Variants in BRIP1 observed in about 807,000 individuals in gnomAD.
BRIP1 encodes the protein Fanconi anemia group J protein.
In BRIP1, 88 loss-of-function variants were observed where a neutral mutation model predicts 119.7. That is an observed-to-expected ratio of 0.74 (90% CI 0.62 to 0.88). The LOEUF (loss-of-function observed/expected upper bound fraction) is 0.88, where lower values mean the gene tolerates loss of function less well. Among genes scored for constraint, BRIP1 ranks in the 40% least tolerant of loss-of-function variants. The pLI is 0.00. For synonymous variants in BRIP1, 443 were observed against 496.5 expected, an observed-to-expected ratio of 0.89 and a Z score of 1.43; for missense variants, 1,259 against 1,455.4, an observed-to-expected ratio of 0.87 and a Z score of 2.20.
At position 61,846,262 on chromosome 17, in the gene BRIP1, AAGAGAGAGAGAGAGAG is replaced by A. The variant is rs1567865793; in HGVS notation, c.627+823_627+838del. Among the ~76,000 whole-genome samples, 193 of 142,722 alleles carry A rather than the reference AAGAGAGAGAGAGAGAG, an allele frequency of 1.4e-3. 1 individual carries two copies. Among genetic ancestry groups the A allele is most frequent in the African/African-American group, 5.4e-3 (188 of 34,662 alleles). 93.6% of individuals were successfully genotyped at this position (142,722 alleles called of 152,430 possible). On this transcript the variant is annotated intron_variant, in intron 6 of 19. Coordinates refer to ENST00000259008, the MANE Select transcript of BRIP1 (RefSeq NM_032043.3). This position sits in a 1 kb window ranked among gnomAD's most constrained non-coding sequence, Gnocchi z 4.3. ...AGAGAGAAAAAGAGAGAGAGAGAGAAAGAGAGAGAGAGAGAGGTTGGAGCCAATACCTTGATTTCTG... is the reference window on the plus strand; with the variant it reads ...AGAGAGAAAAAGAGAGAGAGAGAGAAGTTGGAGCCAATACCTTGATTTCTG...
At chr17:61,781,572 T>C (rs1350712928) in intron 11 of BRIP1, among the ~76,000 whole-genome samples, 1 of 152,280 alleles carries the variant, frequency 6.6e-6, no homozygotes, top group East Asian at 1.9e-4. Flanking sequence ...ATATCTGTGA[T>C]CCCATCCAGT....
At position 61,848,905 on chromosome 17, in the gene BRIP1, A is replaced by G. The variant is rs538449785; in HGVS notation, c.507+224T>C. Among the ~76,000 whole-genome samples, 1 of 152,196 alleles carries G rather than the reference A, an allele frequency of 6.6e-6. No individual in the cohort carries two copies. The highest frequency in any genetic ancestry group is 1.5e-5 in the Non-Finnish European group (1 of 68,030). ...TACTATCAAATTCCTCATATATAAGAAACACCATGCAGTTTCACTTGAACG... is the reference window on the plus strand; with the variant it reads ...TACTATCAAATTCCTCATATATAAGGAACACCATGCAGTTTCACTTGAACG... On this transcript the variant is annotated intron_variant, in intron 5 of 19. Coordinates refer to ENST00000259008, the MANE Select transcript of BRIP1 (RefSeq NM_032043.3). The surrounding 1 kb of genome is among the most constrained non-coding windows in gnomAD (Gnocchi z 4.3).
chr17:61,788,856 G>A (rs1415142404), intron 10 of BRIP1, among the ~76,000 whole-genome samples: 1 of 152,116 alleles, frequency 6.6e-6, no homozygotes, highest in Non-Finnish European at 1.5e-5. Flanking sequence ...CACTTTGAAA[G>A]ACCGAGGCGG....
chr17:61,696,973 G>C (rs955409944), intron 17 of BRIP1, among the ~76,000 whole-genome samples: 3 of 116,802 alleles, frequency 2.6e-5, no homozygotes, highest in Non-Finnish European at 5.0e-5. Flanking sequence ...GCAACAGATA[G>C]AGACTCTGTC....
rs1218535891 is a variant in BRIP1 at position 61,853,127 on chromosome 17, A to AAAT, written c.380-3874_380-3872dup. ...TAAACTGTGGTATATTCATACAAGGAAATAATACACAGAAACAAGAAGTAC... is the reference window on the plus strand; with the variant it reads ...TAAACTGTGGTATATTCATACAAGGAAATAATAATACACAGAAACAAGAAGTAC... On this transcript the variant is annotated intron_variant, in intron 4 of 19. Coordinates refer to ENST00000259008, the MANE Select transcript of BRIP1 (RefSeq NM_032043.3). This position sits in a 1 kb window ranked among gnomAD's most constrained non-coding sequence, Gnocchi z 4.3. 6.6e-6 allele frequency among the ~76,000 whole-genome samples: 1 copy of AAAT among 152,228 alleles called. No individual in the cohort carries two copies. The highest frequency in any genetic ancestry group is 1.5e-5 in the Non-Finnish European group (1 of 68,040).
intron 17 of BRIP1, among the ~76,000 whole-genome samples, chr17:61,715,177 G>A (rs961810810): frequency 6.7e-6 from 1 of 150,330 alleles, no homozygotes; most frequent in Non-Finnish European, 1.5e-5. Context: ...TCCAGCCTGG[G>A]CAACACAGTG....
In BRIP1 at chr17:61,690,349, A is replaced by G. The variant is rs1405618349; in HGVS notation, c.2575+3081T>C. 6.6e-6 allele frequency among the ~76,000 whole-genome samples: 1 copy of G among 152,240 alleles called. No homozygotes were observed. Among genetic ancestry groups the G allele is most frequent in the Non-Finnish European group, 1.5e-5 (1 of 68,040 alleles). Reference sequence around the variant, plus strand: ...TAATTCTATACAGAAGTTAAAAGACAAAGTATGAAAATAACTATAATAGTA... The same window carrying G: ...TAATTCTATACAGAAGTTAAAAGACGAAGTATGAAAATAACTATAATAGTA... On this transcript the variant is annotated intron_variant, in intron 18 of 19. Transcript: ENST00000259008. The surrounding 1 kb of genome is among the most constrained non-coding windows in gnomAD (Gnocchi z 5.6).
chr17:61,863,128 A>T lies in BRIP1; in HGVS notation c.-31+156T>A, dbSNP rs530533617. Reference sequence around the variant, plus strand: ...GAACAGGCCTGCGCTCAAAGGAGGTAAGGATAGGCTCCCTCCTCAGGTTTT... The same window carrying T: ...GAACAGGCCTGCGCTCAAAGGAGGTTAGGATAGGCTCCCTCCTCAGGTTTT... On this transcript the variant is annotated intron_variant, in intron 1 of 19. Coordinates refer to ENST00000259008, the MANE Select transcript of BRIP1 (RefSeq NM_032043.3). Among the ~76,000 whole-genome samples the T allele has an allele frequency of 2.0e-5, 3 of 152,122 alleles. No individual in the cohort carries two copies. The South Asian group carries it at 6.2e-4, about 32-fold the overall frequency.
In BRIP1 at chr17:61,681,048, G is replaced by GC. The variant is rs2061263191; in HGVS notation, c.*2247dup. Among the ~76,000 whole-genome samples, 1 of 152,148 alleles carries GC rather than the reference G, an allele frequency of 6.6e-6. No homozygotes were observed. The highest frequency in any genetic ancestry group is 1.5e-5 in the Non-Finnish European group (1 of 68,034). ...AGCAGGAGAGAAGAATGAGAGTGAA[G>GC]CAGGGAAAAGCTCCTTATAAAATCA... On this transcript the variant is annotated 3_prime_UTR_variant, in exon 20 of 20. Transcript: ENST00000259008. The surrounding 1 kb of genome is among the most constrained non-coding windows in gnomAD (Gnocchi z 5.1).
At position 61,791,226 on chromosome 17, in the gene BRIP1, C is replaced by A. The variant is rs118140915; in HGVS notation, c.1473+2371G>T. On this transcript the variant is annotated intron_variant, in intron 10 of 19. Coordinates refer to ENST00000259008, the MANE Select transcript of BRIP1 (RefSeq NM_032043.3). ...TTTTCTAGCCAGGCACGGTGACTCACACCTGTGAGCCCAGCACTTTGGGAG... is the reference window on the plus strand; with the variant it reads ...TTTTCTAGCCAGGCACGGTGACTCAAACCTGTGAGCCCAGCACTTTGGGAG... Among the ~76,000 whole-genome samples the A allele has an allele frequency of 2.7e-4, 41 of 152,130 alleles. No homozygotes were observed. In the East Asian group the frequency reaches 7.4e-3, roughly 27 times the overall value.
chr17:61,723,755 A>C (rs893375246), intron 16 of BRIP1, among the ~76,000 whole-genome samples: 3 of 152,196 alleles, frequency 2.0e-5, no homozygotes, highest in African/African-American at 7.2e-5. Context: ...CTTGCTTCCC[A>C]TCCCCAATAA....
In BRIP1 at chr17:61,834,163, T is replaced by C. The variant is rs2078535398; in HGVS notation, c.627+12938A>G. ...AAAGTATCCATCAAAATAGACCTGC[T>C]AAATTTTACTATGACCGTGATATAT... On this transcript the variant is annotated intron_variant, in intron 6 of 19. Coordinates refer to ENST00000259008, the MANE Select transcript of BRIP1 (RefSeq NM_032043.3). The surrounding 1 kb of genome is among the most constrained non-coding windows in gnomAD (Gnocchi z 4.4). Among the ~76,000 whole-genome samples, 1 of 152,214 alleles carries C rather than the reference T, an allele frequency of 6.6e-6. No individual in the cohort carries two copies. Among genetic ancestry groups the C allele is most frequent in the Non-Finnish European group, 1.5e-5 (1 of 68,046 alleles).
At position 61,700,009 on chromosome 17, in the gene BRIP1, C is replaced by T. The variant is rs2061588598; in HGVS notation, c.2493-6497G>A. On this transcript the variant is annotated intron_variant, in intron 17 of 19. Transcript: ENST00000259008. This position sits in a 1 kb window ranked among gnomAD's most constrained non-coding sequence, Gnocchi z 4.1. ...TTAAGACTGGCTCCCTAGACTTTGTCCCATGCACATGTTTTGTTCTCTTTG... is the reference window on the plus strand; with the variant it reads ...TTAAGACTGGCTCCCTAGACTTTGTTCCATGCACATGTTTTGTTCTCTTTG... Among the ~76,000 whole-genome samples the T allele has an allele frequency of 6.6e-6, 1 of 152,020 alleles. No homozygotes were observed.
At position 61,684,137 on chromosome 17, in the gene BRIP1, T is replaced by G; in HGVS notation, c.2909A>C (p.Asp970Ala). Residue 970 changes from aspartate (D) to alanine (A), a missense_variant, in exon 20 of 20, where the codon GAT (aspartate) becomes GCT (alanine). Physicochemically the swap from Asp to Ala is moderately radical, Grantham distance 126. Coordinates refer to ENST00000259008, the MANE Select transcript of BRIP1 (RefSeq NM_032043.3). The surrounding 1 kb of genome is among the most constrained non-coding windows in gnomAD (Gnocchi z 4.5). ...CCCTGCTTCTTCCAGGAATACTGGA[T>G]CATCTAAGAATACAAGAATTTAAGA... Reference protein sequence around the residue: ...SSIISRKEKNDPVFLEEAGKA... With the variant: ...SSIISRKEKNAPVFLEEAGKA... 4 of 1,613,462 alleles carry G rather than the reference T, an allele frequency of 2.5e-6. No homozygotes were observed. Among genetic ancestry groups the G allele is most frequent in the Non-Finnish European group, 2.5e-6 (3 of 1,179,660 alleles).
rs377169249 is a variant in BRIP1, at chr17:61,682,796, A to C, written c.*500T>G. ...ATTTTAAATTGCATTTAGCTAAGGA[A>C]GACTTATTTGAGGACAGTACTTTGT... On this transcript the variant is annotated 3_prime_UTR_variant, in exon 20 of 20. Coordinates refer to ENST00000259008, the MANE Select transcript of BRIP1 (RefSeq NM_032043.3). The surrounding 1 kb of genome is among the most constrained non-coding windows in gnomAD (Gnocchi z 4.9). 7.9e-5 allele frequency: 15 copies of C among 190,880 alleles called. No individual in the cohort carries two copies. The East Asian group carries it at 1.3e-3, about 16-fold the overall frequency. 11.8% of individuals were successfully genotyped at this position (190,880 alleles called of 1,614,324 possible). A position where few individuals can be genotyped will look rare whatever the true frequency, so the allele number is the denominator to read the frequency against.
In BRIP1 at chr17:61,845,853, T is replaced by G. The variant is rs1380819041; in HGVS notation, c.627+1248A>C. Reference sequence around the variant, plus strand: ...AAATAAAATTAGTAATTTTTACTGCTTCATCAAAGACATTCTTAAATGAAA... The same window carrying G: ...AAATAAAATTAGTAATTTTTACTGCGTCATCAAAGACATTCTTAAATGAAA... On this transcript the variant is annotated intron_variant, in intron 6 of 19. Coordinates refer to ENST00000259008, the MANE Select transcript of BRIP1 (RefSeq NM_032043.3). This position sits in a 1 kb window ranked among gnomAD's most constrained non-coding sequence, Gnocchi z 4.2. Among the ~76,000 whole-genome samples, 4 of 152,220 alleles carry G rather than the reference T, an allele frequency of 2.6e-5. No homozygotes were observed.
rs2077399010 is a variant in BRIP1 at position 61,768,219 on chromosome 17, G to A, written c.2097+8182C>T. 6.6e-6 allele frequency among the ~76,000 whole-genome samples: 1 copy of A among 152,140 alleles called. No individual in the cohort carries two copies. The highest frequency in any genetic ancestry group is 2.1e-4 in the South Asian group (1 of 4,826). ...GGATTAAGTAAATAAAAATAAATGTGAAGTAAAGTTATGAGATTTCTCAGG... is the reference window on the plus strand; with the variant it reads ...GGATTAAGTAAATAAAAATAAATGTAAAGTAAAGTTATGAGATTTCTCAGG... On this transcript the variant is annotated intron_variant, in intron 14 of 19. Transcript: ENST00000259008. The surrounding 1 kb of genome is among the most constrained non-coding windows in gnomAD (Gnocchi z 5.0).
chr17:61,856,946 A>T lies in BRIP1; in HGVS notation c.379+112T>A. 1 of 1,020,906 alleles carries T rather than the reference A, an allele frequency of 9.8e-7. No homozygotes were observed. The highest frequency in any genetic ancestry group is 1.5e-6 in the Non-Finnish European group (1 of 652,680). The allele number at this position is 1,020,906 out of a possible 1,614,324, so 63.2% of individuals were successfully genotyped here. A position where few individuals can be genotyped will look rare whatever the true frequency, so the allele number is the denominator to read the frequency against. On this transcript the variant is annotated intron_variant, in intron 4 of 19. Transcript: ENST00000259008. This position sits in a 1 kb window ranked among gnomAD's most constrained non-coding sequence, Gnocchi z 5.1. ...TAAAATCATTCCAGAGAAACTAGATAGAGATATATAATCAGTTATGCTAAC... is the reference window on the plus strand; with the variant it reads ...TAAAATCATTCCAGAGAAACTAGATTGAGATATATAATCAGTTATGCTAAC...
Position 61,780,287 on chromosome 17 carries a change from C to A in BRIP1, c.1909G>T (p.Ala637Ser), listed in dbSNP as rs541203428. ...LGVTFTIQLEANHIIKNSQVW... is the reference protein window; with the variant it reads ...LGVTFTIQLESNHIIKNSQVW... ...TGTGAATTTTTAATGATATGATTAG[C>A]CTCCAGCTGGATAGTAAATGTAACA... Residue 637 changes from alanine to serine, a missense_variant, in exon 13 of 20, where the codon GCT (alanine) becomes TCT (serine). By Grantham distance (99) the Ala-to-Ser change is moderately conservative (BLOSUM62 1). Around this residue, in one of 3 missense-constraint regions of BRIP1, gnomAD observed 753 missense variants for 891.8 expected, o/e 0.84. Coordinates refer to ENST00000259008, the MANE Select transcript of BRIP1 (RefSeq NM_032043.3). The surrounding 1 kb of genome is among the most constrained non-coding windows in gnomAD (Gnocchi z 5.4). 6.2e-7 allele frequency: 1 copy of A among 1,613,390 alleles called. No homozygotes were observed. Among genetic ancestry groups the A allele is most frequent in the East Asian group, 2.2e-5 (1 of 44,842 alleles).
Sources: gnomAD v4.1 joint callset for allele counts (sites outside exome capture counted in the v4.1 genomes callset) on GRCh38, gnomAD v4.1.1 for gene constraint, gnomAD v4.1.1 regional missense constraint, Gnocchi (gnomAD v3.1) non-coding constraint, MANE v1.5 for transcripts, NCBI Gene and HGNC (gene_info 2026-07-23, HGNC 2026-07-21) for gene names.